Variants in PALS2 observed in about 807,000 individuals in gnomAD.
PALS2 encodes the protein protein associated with LIN7 2, MAGUK p55 family member, also known as protein PALS2.
A neutral mutation model predicts 61.6 loss-of-function variants in PALS2; 27 were observed. That is an observed-to-expected ratio of 0.44 (90% CI 0.32 to 0.60). The LOEUF is 0.60. Among genes scored for constraint, PALS2 ranks in the 20% least tolerant of loss-of-function variants. PALS2 has a pLI of 0.05. For missense variants in PALS2, 554 were observed against 639.4 expected (o/e 0.87, Z 1.44); for synonymous variants, 236 against 218.6 (o/e 1.08, Z -0.70).
chr7:24,594,951 T>A (rs979479020), intron 1 of PALS2, among the ~76,000 whole-genome samples: 3 of 152,118 alleles, frequency 2.0e-5, no homozygotes, highest in African/African-American at 7.2e-5. Context: ...AAAAATGGCT[T>A]CAATAGACTT....
At chr7:24,657,003 C>G (rs1163813871) in intron 5 of PALS2, among the ~76,000 whole-genome samples, 1 of 152,036 alleles carries the variant, frequency 6.6e-6, no homozygotes, top group Non-Finnish European at 1.5e-5. Context: ...TTGTTTGATT[C>G]GTTTGTTTAG....
intron 1 of PALS2, among the ~76,000 whole-genome samples, chr7:24,593,714 T>G (rs2108303): frequency 0.51 from 76,784 of 151,968 alleles, 23,142 homozygotes; most frequent in African/African-American, 0.83. Flanking sequence ...CTGAGCAGTA[T>G]GTCTCAACAG....
chr7:24,642,148 C>T (rs1022249440), intron 3 of PALS2, among the ~76,000 whole-genome samples: 3 of 152,136 alleles, frequency 2.0e-5, no homozygotes, highest in African/African-American at 7.2e-5. Flanking sequence ...CACCGTCAGA[C>T]CACATGCTGG....
chr7:24,607,505 GTATA>G (rs908439836), intron 1 of PALS2, among the ~76,000 whole-genome samples: 1 of 150,720 alleles, frequency 6.6e-6, no homozygotes, highest in Admixed American at 6.6e-5. Flanking sequence ...ATATATATGT[GTATA>G]TATATGTGTA....
At chr7:24,630,862 T>C (rs1020839703) in intron 2 of PALS2, among the ~76,000 whole-genome samples, 4 of 152,196 alleles carry the variant, frequency 2.6e-5, no homozygotes, top group Non-Finnish European at 4.4e-5. Flanking sequence ...TTAATCCCAC[T>C]GTTGGGATTT....
chr7:24,662,768 G>GAAAAAAAAAAAA (rs59367702), intron 5 of PALS2, among the ~76,000 whole-genome samples: 187 of 102,604 alleles, frequency 1.8e-3, no homozygotes, highest in Non-Finnish European at 3.4e-3. Context: ...GACTCCATCT[G>GAAAAAAAAAAAA]AAAAAAAAAA....
intron 1 of PALS2, among the ~76,000 whole-genome samples, chr7:24,607,009 G>A (rs1188910704): frequency 6.6e-6 from 1 of 152,090 alleles, no homozygotes; most frequent in Non-Finnish European, 1.5e-5. Flanking sequence ...GGTCAGGTGT[G>A]GAATTTTCCA....
chr7:24,583,534 C>G (rs1464326217), intron 1 of PALS2, among the ~76,000 whole-genome samples: 1 of 151,862 alleles, frequency 6.6e-6, no homozygotes, highest in African/African-American at 2.4e-5. Flanking sequence ...TTGAAAGAAA[C>G]TTTTCACGAC....
intron 1 of PALS2, among the ~76,000 whole-genome samples, chr7:24,590,825 C>T (rs1048950779): frequency 1.3e-5 from 2 of 149,224 alleles, no homozygotes; most frequent in Admixed American, 1.3e-4. Flanking sequence ...CATATTGGCT[C>T]ACAGGGATAT....
intron 1 of PALS2, among the ~76,000 whole-genome samples, chr7:24,611,893 A>G (rs1019379994): frequency 6.6e-6 from 1 of 152,014 alleles, no homozygotes; most frequent in Admixed American, 6.6e-5. Flanking sequence ...TCACATTTTA[A>G]TTCCTCATAA....
At chr7:24,582,965 G>A (rs1280197388) in intron 1 of PALS2, among the ~76,000 whole-genome samples, 1 of 143,098 alleles carries the variant, frequency 7.0e-6, no homozygotes, top group Non-Finnish European at 1.5e-5. Flanking sequence ...CGTGATCTCG[G>A]CTCACTGCAA....
intron 1 of PALS2, among the ~76,000 whole-genome samples, chr7:24,594,227 A>C (rs1488956916): frequency 6.6e-6 from 1 of 151,882 alleles, no homozygotes; most frequent in African/African-American, 2.4e-5. Context: ...AATTGAAGGG[A>C]GTTAGGGCCT....
chr7:24,689,087 T>C lies in PALS2; in HGVS notation c.*1473T>C, dbSNP rs961769036. ...CCTTGGCCTCCCAAAGTGCTGAGAT[T>C]ACAAGCATGAGCCACTGCACCTAGC... On this transcript the variant is annotated 3_prime_UTR_variant, in exon 12 of 12. Coordinates refer to ENST00000222644, the MANE Select transcript of PALS2 (RefSeq NM_001303037.2). The C allele has an allele frequency of 2.6e-5, 4 of 152,244 alleles. No homozygotes were observed. Among genetic ancestry groups the C allele is most frequent in the Non-Finnish European group, 4.4e-5 (3 of 68,064 alleles). 9.4% of individuals were successfully genotyped at this position (152,244 alleles called of 1,614,324 possible).
At position 24,687,688 on chromosome 7, in the gene PALS2, A is replaced by T; in HGVS notation, c.*74A>T. The T allele has an allele frequency of 7.2e-7, 1 of 1,383,994 alleles. No individual in the cohort carries two copies. The allele number at this position is 1,383,994 out of a possible 1,614,324, so 85.7% of individuals were successfully genotyped here. The stretch of plus-strand genomic sequence containing the variant: ...CAACAAATAAACCTTCTACTGAGAA[A>T]ATACATCACAGATAGAAGATTATCT... On this transcript the variant is annotated 3_prime_UTR_variant, in exon 12 of 12. Transcript: ENST00000222644. This position sits in a 1 kb window ranked among gnomAD's most constrained non-coding sequence, Gnocchi z 4.5.
At chr7:24,602,403 C>T (rs1156342312) in intron 1 of PALS2, among the ~76,000 whole-genome samples, 2 of 152,048 alleles carry the variant, frequency 1.3e-5, no homozygotes, top group Admixed American at 6.6e-5. Context: ...GGACTAAAAA[C>T]CTGATGCTCT....
At chr7:24,674,898 T>A (rs919671874) in intron 9 of PALS2, among the ~76,000 whole-genome samples, 7 of 152,204 alleles carry the variant, frequency 4.6e-5, no homozygotes, top group Non-Finnish European at 1.0e-4. Context: ...CTTTGTTGAT[T>A]GTGTCTTCAT....
At chr7:24,606,385 G>A (rs183733102) in intron 1 of PALS2, among the ~76,000 whole-genome samples, 1 of 152,096 alleles carries the variant, frequency 6.6e-6, no homozygotes, top group South Asian at 2.1e-4. Flanking sequence ...GATTTTATAG[G>A]TGATAGGAGA....
chr7:24,580,116 G>A (rs1426094248), intron 1 of PALS2, among the ~76,000 whole-genome samples: 4 of 152,202 alleles, frequency 2.6e-5, no homozygotes, highest in African/African-American at 9.7e-5. Context: ...AGGGGTACAT[G>A]TTGGGAGAAG....
intron 2 of PALS2, among the ~76,000 whole-genome samples, chr7:24,630,795 G>A (rs1283209714): frequency 2.0e-5 from 3 of 152,156 alleles, no homozygotes; most frequent in African/African-American, 4.8e-5. Flanking sequence ...CCCTCTAACT[G>A]GAACAACAAA....
Sources: gnomAD v4.1 joint callset for allele counts (sites outside exome capture counted in the v4.1 genomes callset) on GRCh38, gnomAD v4.1.1 for gene constraint, Gnocchi (gnomAD v3.1) non-coding constraint, MANE v1.5 for transcripts, NCBI Gene and HGNC (gene_info 2026-07-23, HGNC 2026-07-21) for gene names.